The following SV2C variants were observed in gnomAD, a reference collection of about 807,000 sequenced individuals.
SV2C encodes the protein synaptic vesicle glycoprotein 2C.
In SV2C, 49 loss-of-function variants were observed where a neutral mutation model predicts 79.7. That is an observed-to-expected ratio of 0.61 (90% confidence interval 0.49 to 0.78). The LOEUF (loss-of-function observed/expected upper bound fraction) is 0.78. SV2C is among the 30% of genes least tolerant of loss of function. The pLI, the probability that SV2C is intolerant of heterozygous loss-of-function variation, is 0.00. For missense variants in SV2C, 833 were observed against 912.9 expected, an observed-to-expected ratio of 0.91 and a Z score of 1.13; for synonymous variants, 334 against 333.2, an observed-to-expected ratio of 1.00 and a Z score of -0.03.
the SV2C span, among the ~76,000 whole-genome samples, chr5:76,010,568 T>C: frequency 6.6e-6 from 1 of 152,118 alleles, no homozygotes; most frequent in African/African-American, 2.4e-5. Context: ...AATGTGCCGA[T>C]CAACTTTTGG....
the SV2C span, among the ~76,000 whole-genome samples, chr5:76,039,283 T>C: frequency 6.6e-6 from 1 of 152,234 alleles, no homozygotes; most frequent in Non-Finnish European, 1.5e-5. Context: ...ATACAGCTCA[T>C]ATCTCCTTCA....
At chr5:76,041,580 G>A in the SV2C span, among the ~76,000 whole-genome samples, 16 of 152,262 alleles carry the variant, frequency 1.1e-4, no homozygotes, top group East Asian at 2.7e-3. Flanking sequence ...TAGAGACAGC[G>A]AATGGGCTCC....
chr5:76,236,566 AAAT>A (rs373715677), intron 4 of SV2C, among the ~76,000 whole-genome samples: 17 of 124,926 alleles, frequency 1.4e-4, no homozygotes, highest in African/African-American at 3.3e-4. Context: ...TGTATCAAAA[AAAT>A]AAAATAAAAT....
chr5:76,195,435 C>T (rs995542803), intron 3 of SV2C, among the ~76,000 whole-genome samples: 1 of 152,138 alleles, frequency 6.6e-6, no homozygotes, highest in African/African-American at 2.4e-5. Flanking sequence ...CTCGTCCTAC[C>T]TGTTATGAAC....
chr5:75,953,748 T>G, the SV2C span, among the ~76,000 whole-genome samples: 12 of 152,124 alleles, frequency 7.9e-5, no homozygotes, highest in African/African-American at 2.9e-4. Context: ...ATACCATTTC[T>G]CAGATTTCTC....
At chr5:76,267,401 T>C (rs1746698315) in intron 4 of SV2C, among the ~76,000 whole-genome samples, 1 of 152,214 alleles carries the variant, frequency 6.6e-6, no homozygotes, top group African/African-American at 2.4e-5. Context: ...AAAATACATC[T>C]ATATGAAGTC....
the SV2C span, among the ~76,000 whole-genome samples, chr5:75,958,916 C>G: frequency 1.3e-5 from 2 of 151,866 alleles, no homozygotes; most frequent in Admixed American, 1.3e-4. Flanking sequence ...TTCTAGAACA[C>G]TTTCTTTGTA....
At chr5:76,290,577 C>T in intron 6 of SV2C, among the ~76,000 whole-genome samples, 1 of 152,188 alleles carries the variant, frequency 6.6e-6, no homozygotes, top group Admixed American at 6.5e-5. Flanking sequence ...CTAACTGAGT[C>T]ATAGATGCTG....
At chr5:76,344,431 G>A (rs970279439) in intron 12 of SV2C, among the ~76,000 whole-genome samples, 10 of 152,216 alleles carry the variant, frequency 6.6e-5, no homozygotes, top group South Asian at 2.1e-4. Context: ...ATTTTAGGCC[G>A]GGTGCGGTGG....
intron 4 of SV2C, among the ~76,000 whole-genome samples, chr5:76,278,000 A>T (rs1469778170): frequency 1.3e-5 from 2 of 152,202 alleles, no homozygotes; most frequent in Non-Finnish European, 2.9e-5. Context: ...GAACTGTATA[A>T]CTAAAAACAA....
chr5:76,288,847 G>A (rs1327466102), intron 6 of SV2C, among the ~76,000 whole-genome samples: 1 of 151,274 alleles, frequency 6.6e-6, no homozygotes, highest in Non-Finnish European at 1.5e-5. Flanking sequence ...CAGCAAAGTT[G>A]CATGCATTTT....
the SV2C span, among the ~76,000 whole-genome samples, chr5:76,027,909 A>G: frequency 2.1e-3 from 314 of 152,278 alleles, no homozygotes; most frequent in Non-Finnish European, 3.5e-3. Flanking sequence ...CATGAGTACT[A>G]TTACCTCTAA....
At chr5:76,012,195 C>T in the SV2C span, among the ~76,000 whole-genome samples, 2 of 152,214 alleles carry the variant, frequency 1.3e-5, no homozygotes, top group Admixed American at 6.5e-5. Context: ...CTGTCTTCCA[C>T]AATGGTTGAA....
the SV2C span, among the ~76,000 whole-genome samples, chr5:76,070,412 A>G: frequency 2.3e-4 from 35 of 152,268 alleles, no homozygotes; most frequent in African/African-American, 8.4e-4. Flanking sequence ...GGCACTCTGT[A>G]AGGAAGAAGA....
chr5:76,245,433 A>G (rs1315735129), intron 4 of SV2C, among the ~76,000 whole-genome samples: 2 of 152,250 alleles, frequency 1.3e-5, no homozygotes, highest in African/African-American at 2.4e-5. Context: ...GAAGAGTCCA[A>G]GGAGATGTGA....
chr5:76,283,297 CAG>C (rs778514014), intron 4 of SV2C, among the ~76,000 whole-genome samples: 3 of 152,152 alleles, frequency 2.0e-5, no homozygotes, highest in Non-Finnish European at 4.4e-5. Flanking sequence ...AGCCTGGCGA[CAG>C]AGCGAGACTC....
the SV2C span, among the ~76,000 whole-genome samples, chr5:76,048,414 T>C: frequency 6.6e-6 from 1 of 152,192 alleles, no homozygotes. Context: ...CCCAACCACA[T>C]TGGTGAGGGT....
chr5:76,349,687 T>G (rs1749612510), intron 12 of SV2C, among the ~76,000 whole-genome samples: 1 of 146,124 alleles, frequency 6.8e-6, no homozygotes, highest in African/African-American at 2.7e-5. Context: ...TTTTTTTTTT[T>G]GAAGCAAAGT....
chr5:76,082,252 T>A (rs896528947), upstream of SV2C: 4 of 152,244 alleles, frequency 2.6e-5, no homozygotes, highest in Admixed American at 2.0e-4. Flanking sequence ...TGGCAGGGTC[T>A]GCGTCGGAAG....
Sources: gnomAD v4.1 joint callset for allele counts (sites outside exome capture counted in the v4.1 genomes callset) on GRCh38, gnomAD v4.1.1 for gene constraint, MANE v1.5 for transcripts, NCBI Gene and HGNC (gene_info 2026-07-23, HGNC 2026-07-21) for gene names.